Variants in FBXO34 observed in about 807,000 individuals in gnomAD.
FBXO34 encodes the protein F-box protein 34, also known as F-box only protein 34.
FBXO34 carries 12 observed loss-of-function variants against 24.5 expected under a neutral mutation model. The observed-to-expected ratio is 0.49, with a 90% CI of 0.31 to 0.79. FBXO34 has a LOEUF of 0.79. FBXO34 is among the 30% of genes least tolerant of loss of function. The pLI is 0.04. For missense variants in FBXO34, 823 were observed against 857.7 expected (o/e 0.96, Z 0.51); for synonymous variants, 320 against 311.9 (o/e 1.03, Z -0.27).
chr14:55,425,286 G>A, the FBXO34 span, among the ~76,000 whole-genome samples: 4 of 152,134 alleles, frequency 2.6e-5, no homozygotes, highest in Admixed American at 1.3e-4. Context: ...TCCCAACACT[G>A]GGGAGACCAT....
At chr14:55,347,647 C>T (rs1402778553) in intron 1 of FBXO34, among the ~76,000 whole-genome samples, 1 of 152,148 alleles carries the variant, frequency 6.6e-6, no homozygotes, top group African/African-American at 2.4e-5. Flanking sequence ...CTGGGATCAC[C>T]TCCTATTTTA....
At chr14:55,410,276 T>C in the FBXO34 span, among the ~76,000 whole-genome samples, 1 of 152,336 alleles carries the variant, frequency 6.6e-6, no homozygotes, top group East Asian at 1.9e-4. Context: ...AGGTTGGAGA[T>C]ACAAGTCTGG....
At chr14:55,285,047 A>C (rs1439933916) in intron 1 of FBXO34, among the ~76,000 whole-genome samples, 1 of 150,088 alleles carries the variant, frequency 6.7e-6, no homozygotes, top group East Asian at 1.9e-4. Flanking sequence ...AAAAAAAAAA[A>C]AAACTGCAAA....
the FBXO34 span, chr14:55,437,032 A>G: frequency 6.2e-7 from 1 of 1,609,034 alleles, no homozygotes; most frequent in Non-Finnish European, 8.5e-7. Context: ...GGCAGTTCCC[A>G]AAACAGACAG....
downstream of FBXO34, among the ~76,000 whole-genome samples, chr14:55,354,763 T>C (rs1197785423): frequency 2.0e-5 from 3 of 152,172 alleles, no homozygotes; most frequent in East Asian, 5.8e-4. Flanking sequence ...TAGGCAAGTG[T>C]AGCTTTCCTC....
the FBXO34 span, chr14:55,377,689 T>C: frequency 1.8e-6 from 1 of 557,108 alleles, no homozygotes. Flanking sequence ...TCTTTCTGTA[T>C]TGGACTCCAC....
chr14:55,322,309 C>CAAAA (rs3084455), intron 1 of FBXO34, among the ~76,000 whole-genome samples: 2 of 122,046 alleles, frequency 1.6e-5, no homozygotes, highest in Non-Finnish European at 3.4e-5. Context: ...GACTCTGTCT[C>CAAAA]AAAAAAAAAA....
intron 1 of FBXO34, among the ~76,000 whole-genome samples, chr14:55,273,555 T>G (rs568252806): frequency 3.3e-5 from 5 of 152,324 alleles, no homozygotes; most frequent in Non-Finnish European, 5.9e-5. Flanking sequence ...ATGTACAAAT[T>G]TTGTATACAA....
downstream of FBXO34, among the ~76,000 whole-genome samples, chr14:55,353,855 G>A (rs1218348158): frequency 3.3e-5 from 5 of 152,188 alleles, no homozygotes; most frequent in African/African-American, 1.2e-4. Context: ...TTATCTAGGA[G>A]ATTCTTACAG....
intron 1 of FBXO34, among the ~76,000 whole-genome samples, chr14:55,281,429 T>C (rs989944295): frequency 2.0e-5 from 3 of 152,128 alleles, no homozygotes; most frequent in African/African-American, 4.8e-5. Context: ...AATTCCATAT[T>C]TGCCCCCTTC....
the FBXO34 span, among the ~76,000 whole-genome samples, chr14:55,421,620 T>C: frequency 1.3e-5 from 2 of 152,282 alleles, no homozygotes; most frequent in South Asian, 2.1e-4. Context: ...CCTGCCACCA[T>C]GCCCAGCTAA....
chr14:55,293,458 C>T lies in FBXO34; in HGVS notation c.-11+21921C>T, dbSNP rs563301846. 7.9e-5 allele frequency among the ~76,000 whole-genome samples: 12 copies of T among 152,340 alleles called. No homozygotes were observed. The East Asian group carries it at 1.7e-3, about 22-fold the overall frequency. On this transcript the variant is annotated intron_variant, in intron 1 of 1. Transcript: ENST00000313833. Reference sequence around the variant, plus strand: ...TTGGCCTCCCAAAGCACTGGGATTACAGGCATAAGCCACTGTACCTGGCAC... The same window carrying T: ...TTGGCCTCCCAAAGCACTGGGATTATAGGCATAAGCCACTGTACCTGGCAC...
At chr14:55,306,556 G>T (rs1882551581) in intron 1 of FBXO34, among the ~76,000 whole-genome samples, 1 of 152,240 alleles carries the variant, frequency 6.6e-6, no homozygotes, top group Non-Finnish European at 1.5e-5. Context: ...CAGGCTGGCT[G>T]GGTGTGGTGG....
chr14:55,312,450 T>A (rs1882776776), intron 1 of FBXO34, among the ~76,000 whole-genome samples: 1 of 152,118 alleles, frequency 6.6e-6, no homozygotes, highest in South Asian at 2.1e-4. Flanking sequence ...GGCCCTCTTC[T>A]CACAGCTCAA....
chr14:55,366,671 AACAG>A (rs1350384621), downstream of FBXO34: 1 of 152,514 alleles, frequency 6.6e-6, no homozygotes, highest in African/African-American at 2.4e-5. Flanking sequence ...AAATGTCTTT[AACAG>A]ACCATTTTAA....
downstream of FBXO34, chr14:55,366,243 T>C (rs949389475): frequency 6.6e-6 from 1 of 152,502 alleles, no homozygotes; most frequent in Non-Finnish European, 1.5e-5. Flanking sequence ...TTAAAAAATA[T>C]ATTAACATTT....
the FBXO34 span, among the ~76,000 whole-genome samples, chr14:55,382,420 A>G: frequency 6.6e-6 from 1 of 152,096 alleles, no homozygotes; most frequent in Non-Finnish European, 1.5e-5. Flanking sequence ...GACTCCAGAG[A>G]TACTCCTGCC....
In FBXO34 at chr14:55,352,647, C is replaced by A; in HGVS notation, c.*121C>A. The A allele has an allele frequency of 1.2e-6, 1 of 817,752 alleles. No homozygotes were observed. Among genetic ancestry groups the A allele is most frequent in the Non-Finnish European group, 1.8e-6 (1 of 541,004 alleles). 50.7% of individuals were successfully genotyped at this position (817,752 alleles called of 1,614,324 possible). A position where few individuals can be genotyped will look rare whatever the true frequency, so the allele number is the denominator to read the frequency against. ...TAGAAGAATCTGTACATCATCAGGA[C>A]TGCATTGCTCAGGCATTTTCTAAAC... On this transcript the variant is annotated 3_prime_UTR_variant, in exon 2 of 2. Coordinates refer to ENST00000313833, the MANE Select transcript of FBXO34 (RefSeq NM_017943.4).
chr14:55,354,859 C>G (rs1032836485), downstream of FBXO34, among the ~76,000 whole-genome samples: 1 of 152,096 alleles, frequency 6.6e-6, no homozygotes, highest in Non-Finnish European at 1.5e-5. Flanking sequence ...AGTAGTGTGC[C>G]GCACTACCTG....
Sources: allele counts gnomAD v4.1 joint callset (sites outside exome capture counted in the v4.1 genomes callset), GRCh38; gene constraint gnomAD v4.1.1; transcripts MANE v1.5; gene names NCBI Gene and HGNC (gene_info 2026-07-23, HGNC 2026-07-21).